Variants in SUCLG2 observed in about 807,000 individuals in gnomAD.
The protein encoded by SUCLG2 is succinate-CoA ligase GDP-forming subunit beta.
SUCLG2 carries 42 observed loss-of-function variants against 47.9 expected under a neutral mutation model. The observed-to-expected ratio is 0.88, with a 90% CI of 0.69 to 1.14. SUCLG2 has a LOEUF of 1.14. Among genes scored for constraint, SUCLG2 ranks in the 50% most tolerant of loss-of-function variants. The pLI, the probability that SUCLG2 is intolerant of heterozygous loss-of-function variation, is 0.00. For missense variants in SUCLG2, 571 were observed against 525.9 expected, an observed-to-expected ratio of 1.09 and a Z score of -0.84; for synonymous variants, 195 against 197.3, an observed-to-expected ratio of 0.99 and a Z score of 0.10.
intron 9 of SUCLG2, among the ~76,000 whole-genome samples, chr3:67,401,859 A>G (rs1575672380): frequency 1.3e-5 from 2 of 152,228 alleles, no homozygotes; most frequent in East Asian, 3.8e-4. Flanking sequence ...ACATATGAGA[A>G]GAGAATATCT....
At chr3:67,411,269 C>A (rs557026067) in intron 9 of SUCLG2, among the ~76,000 whole-genome samples, 1 of 151,912 alleles carries the variant, frequency 6.6e-6, no homozygotes, top group Non-Finnish European at 1.5e-5. Context: ...AAACTTAAGA[C>A]CACACAGATT....
intron 9 of SUCLG2, among the ~76,000 whole-genome samples, chr3:67,443,721 G>C (rs1194243687): frequency 1.1e-5 from 1 of 91,132 alleles, no homozygotes; most frequent in Non-Finnish European, 2.5e-5. Flanking sequence ...TGGGATGTGA[G>C]GAGCGCCTCT....
chr3:67,437,995 G>C (rs769294871), intron 9 of SUCLG2, among the ~76,000 whole-genome samples: 1 of 152,116 alleles, frequency 6.6e-6, no homozygotes, highest in Non-Finnish European at 1.5e-5. Flanking sequence ...ATACATATAC[G>C]TGATGCACTG....
intron 2 of SUCLG2, among the ~76,000 whole-genome samples, chr3:67,554,319 T>A (rs916612920): frequency 6.6e-6 from 1 of 152,196 alleles, no homozygotes; most frequent in African/African-American, 2.4e-5. Flanking sequence ...TGAATGTTGT[T>A]TTGTTGGAGT....
At chr3:67,510,445 A>C (rs973762001) in intron 6 of SUCLG2, among the ~76,000 whole-genome samples, 2 of 152,204 alleles carry the variant, frequency 1.3e-5, no homozygotes, top group African/African-American at 4.8e-5. Flanking sequence ...CGAAGAACTT[A>C]AGGGTTTTCC....
intron 9 of SUCLG2, among the ~76,000 whole-genome samples, chr3:67,493,663 C>T (rs373338130): frequency 3.4e-4 from 51 of 152,146 alleles, no homozygotes; most frequent in African/African-American, 1.1e-3. Flanking sequence ...TTTCAGTAGA[C>T]GCTAAAAGTT....
At chr3:67,478,343 AAG>A (rs767501663) in intron 9 of SUCLG2, among the ~76,000 whole-genome samples, 1 of 152,228 alleles carries the variant, frequency 6.6e-6, no homozygotes, top group Non-Finnish European at 1.5e-5. Context: ...AAGCGAGGTG[AAG>A]AGATTCTGAT....
chr3:67,409,476 G>A (rs900695766), intron 9 of SUCLG2, among the ~76,000 whole-genome samples: 1 of 152,052 alleles, frequency 6.6e-6, no homozygotes. Flanking sequence ...ATGATGATGG[G>A]GGCACATTCT....
intron 8 of SUCLG2, among the ~76,000 whole-genome samples, chr3:67,497,210 A>AT (rs1705370776): frequency 6.6e-6 from 1 of 152,192 alleles, no homozygotes; most frequent in Non-Finnish European, 1.5e-5. Context: ...TTTCTATTGT[A>AT]TTGAACAGCC....
At chr3:67,487,667 T>C (rs1371969217) in intron 9 of SUCLG2, among the ~76,000 whole-genome samples, 1 of 152,134 alleles carries the variant, frequency 6.6e-6, no homozygotes, top group Non-Finnish European at 1.5e-5. Flanking sequence ...ACCTCTCCTG[T>C]TGGTAAAGAA....
chr3:67,461,947 T>C (rs770390271), intron 9 of SUCLG2, among the ~76,000 whole-genome samples: 5 of 151,184 alleles, frequency 3.3e-5, no homozygotes, highest in Admixed American at 6.6e-5. Flanking sequence ...CAAGGGGAGG[T>C]AAGGTCATGC....
intron 2 of SUCLG2, among the ~76,000 whole-genome samples, chr3:67,555,741 C>A (rs1305337326): frequency 6.6e-6 from 1 of 152,138 alleles, no homozygotes; most frequent in Non-Finnish European, 1.5e-5. Flanking sequence ...TACTAAAATA[C>A]CAACCAGCAA....
chr3:67,602,455 T>C (rs1708440863), intron 2 of SUCLG2, among the ~76,000 whole-genome samples: 1 of 151,910 alleles, frequency 6.6e-6, no homozygotes, highest in South Asian at 2.1e-4. Context: ...TCCTGCAGAG[T>C]GGTATTCAGT....
chr3:67,397,755 C>T (rs771127052), intron 10 of SUCLG2, among the ~76,000 whole-genome samples: 8 of 152,182 alleles, frequency 5.3e-5, no homozygotes, highest in Non-Finnish European at 1.0e-4. Context: ...CATCACGCTA[C>T]CTCAGTTGAA....
intron 1 of SUCLG2, among the ~76,000 whole-genome samples, chr3:67,635,008 A>C (rs1700984918): frequency 6.6e-6 from 1 of 152,252 alleles, no homozygotes; most frequent in African/African-American, 2.4e-5. Flanking sequence ...GAATAGGATG[A>C]GTAAAGTGCT....
chr3:67,431,989 T>G (rs1703496181), intron 9 of SUCLG2, among the ~76,000 whole-genome samples: 1 of 152,178 alleles, frequency 6.6e-6, no homozygotes, highest in Middle Eastern at 3.2e-3. Flanking sequence ...TTTGTTCTCT[T>G]TGGGTGGTAC....
intron 8 of SUCLG2, among the ~76,000 whole-genome samples, chr3:67,496,435 T>C (rs1003186162): frequency 8.6e-5 from 6 of 69,494 alleles, no homozygotes; most frequent in African/African-American, 5.3e-4. Flanking sequence ...ATGTGGCATC[T>C]GTGGGATTGA....
At chr3:67,629,810 T>A (rs1700895839) in intron 1 of SUCLG2, among the ~76,000 whole-genome samples, 2 of 152,040 alleles carry the variant, frequency 1.3e-5, no homozygotes, top group Non-Finnish European at 2.9e-5. Flanking sequence ...AAAAGAACAT[T>A]TTATAAGTAA....
chr3:67,471,089 T>A (rs889247095), intron 9 of SUCLG2, among the ~76,000 whole-genome samples: 1 of 152,198 alleles, frequency 6.6e-6, no homozygotes, highest in Non-Finnish European at 1.5e-5. Flanking sequence ...ACTGTTGGGA[T>A]CAGAGTGGTG....
Sources: allele counts gnomAD v4.1 joint callset (sites outside exome capture counted in the v4.1 genomes callset), GRCh38; gene constraint gnomAD v4.1.1; transcripts MANE v1.5; gene names NCBI Gene and HGNC (gene_info 2026-07-23, HGNC 2026-07-21).